Variants in LRP1B observed in about 807,000 individuals in gnomAD.
LRP1B encodes the protein LDL receptor related protein 1B.
In LRP1B, 217 loss-of-function variants were observed where a neutral mutation model predicts 556.6. The ratio of observed to expected loss-of-function variants is 0.39; its 90% CI spans 0.35 to 0.44. The LOEUF (loss-of-function observed/expected upper bound fraction) is 0.44, where lower values mean the gene tolerates loss of function less well. LRP1B is among the 20% of genes least tolerant of loss of function. The pLI is 1.00. For synonymous variants in LRP1B, 2,047 were observed against 1,865.8 expected (o/e 1.10, Z -2.50); for missense variants, 5,053 against 5,620.8 (o/e 0.90, Z 3.23).
In LRP1B at chr2:140,559,311, T is replaced by C. The variant is rs142983214; in HGVS notation, c.7195-17340A>G. On this transcript the variant is annotated intron_variant, in intron 43 of 90. Coordinates refer to ENST00000389484, the MANE Select transcript of LRP1B (RefSeq NM_018557.3). ...AGACATATCAGTTATTTGCAATATA[T>C]GGACTTTATCTGGATCCCAATTCAG... is the stretch of plus-strand genomic sequence containing the variant. Among the ~76,000 whole-genome samples, 263 of 152,246 alleles carry C rather than the reference T, an allele frequency of 1.7e-3. 3 individuals carry two copies. Among genetic ancestry groups the C allele is most frequent in the Admixed American group, 3.9e-3 (59 of 15,280 alleles).
chr2:141,733,331 A>G (rs1341825128), intron 2 of LRP1B, among the ~76,000 whole-genome samples: 1 of 152,076 alleles, frequency 6.6e-6, no homozygotes, highest in Non-Finnish European at 1.5e-5. Context: ...GTGTGTGCCC[A>G]CAGAGAAATG....
chr2:140,531,935 A>T lies in LRP1B; in HGVS notation c.7762+2086T>A, dbSNP rs562033355. 2.1e-4 allele frequency among the ~76,000 whole-genome samples: 32 copies of T among 152,222 alleles called. No homozygotes were observed. The East Asian group carries it at 5.8e-3, about 28-fold the overall frequency. On this transcript the variant is annotated intron_variant, in intron 47 of 90. Coordinates refer to ENST00000389484, the MANE Select transcript of LRP1B (RefSeq NM_018557.3). ...GTCCTGCAGGCTACTTCACCTTTTC[A>T]TATATAATTTGTTATTTAAATAAGT...
At chr2:141,192,597 CT>C (rs1217184881) in intron 6 of LRP1B, among the ~76,000 whole-genome samples, 1 of 151,650 alleles carries the variant, frequency 6.6e-6, no homozygotes, top group Non-Finnish European at 1.5e-5. Context: ...GCTACTTATT[CT>C]TTTTTTCAAC....
chr2:140,246,628 A>C (rs2104898001), intron 87 of LRP1B, among the ~76,000 whole-genome samples: 1 of 151,630 alleles, frequency 6.6e-6, no homozygotes, highest in East Asian at 2.0e-4. Flanking sequence ...TTTATTAAGA[A>C]TTGCTTGTTA....
intron 1 of LRP1B, among the ~76,000 whole-genome samples, chr2:142,085,593 T>C (rs1388338097): frequency 6.6e-6 from 1 of 152,202 alleles, no homozygotes; most frequent in Non-Finnish European, 1.5e-5. Context: ...TTTCCATTAT[T>C]ATATCTTATT....
intron 2 of LRP1B, among the ~76,000 whole-genome samples, chr2:141,796,263 C>A (rs76345317): frequency 5.9e-5 from 9 of 152,044 alleles, no homozygotes; most frequent in African/African-American, 2.2e-4. Context: ...GTAATGCCAA[C>A]CCAATTACAT....
Position 140,393,342 on chromosome 2 carries a change from T to C in LRP1B, c.10415-7333A>G, listed in dbSNP as rs561778722. On this transcript the variant is annotated intron_variant, in intron 66 of 90. Transcript: ENST00000389484. ...ATTGAAATTATATATTGTTTCACTA[T>C]TGATTAATGTTTTAGTTGTTTAGAA... Among the ~76,000 whole-genome samples, 526 of 127,098 alleles carry C rather than the reference T, an allele frequency of 4.1e-3. 4 individuals carry two copies. The highest frequency in any genetic ancestry group is 0.016 in the African/African-American group (508 of 32,020). 83.4% of individuals were successfully genotyped at this position (127,098 alleles called of 152,430 possible). A position where few individuals can be genotyped will look rare whatever the true frequency, so the allele number is the denominator to read the frequency against.
intron 2 of LRP1B, among the ~76,000 whole-genome samples, chr2:141,597,056 A>G (rs1230126581): frequency 4.0e-5 from 2 of 49,568 alleles, no homozygotes; most frequent in East Asian, 8.3e-4. Context: ...CTGACATTTT[A>G]CACACACACA....
intron 3 of LRP1B, among the ~76,000 whole-genome samples, chr2:141,375,769 G>C (rs1388235006): frequency 6.6e-6 from 1 of 152,134 alleles, no homozygotes; most frequent in Non-Finnish European, 1.5e-5. Context: ...GCAAGAAGCC[G>C]TGGGTGGTGC....
chr2:142,057,593 G>C (rs1704723638), intron 1 of LRP1B, among the ~76,000 whole-genome samples: 2 of 152,102 alleles, frequency 1.3e-5, no homozygotes, highest in Non-Finnish European at 2.9e-5. Flanking sequence ...CAATCTATCT[G>C]TGTTTCACCC....
In LRP1B at chr2:140,350,936, T is replaced by C; in HGVS notation, c.11753A>G (p.Glu3918Gly). 1.2e-6 allele frequency: 2 copies of C among 1,611,012 alleles called. No homozygotes were observed. Among genetic ancestry groups the C allele is most frequent in the South Asian group, 1.1e-5 (1 of 90,934 alleles). Reference protein sequence around the residue: ...SGDHQQISHIEHNSRITGMDV... With the variant: ...SGDHQQISHIGHNSRITGMDV... ...CATCCCTGTTATTCTTGAATTATGT[T>C]CAATATGAGAAATTTGTTGATGATC... Residue 3918 changes from glutamate (E) to glycine (G), a missense_variant, in exon 77 of 91, where the codon GAA becomes GGA. Glu to Gly is a moderately conservative substitution (Grantham distance 98). Coordinates refer to ENST00000389484, the MANE Select transcript of LRP1B (RefSeq NM_018557.3).
At chr2:141,540,362 T>G (rs926771701) in intron 2 of LRP1B, among the ~76,000 whole-genome samples, 1 of 152,054 alleles carries the variant, frequency 6.6e-6, no homozygotes, top group Non-Finnish European at 1.5e-5. Flanking sequence ...TTGGTGACTT[T>G]CAAATATTGT....
At chr2:142,089,827 T>C (rs1224348964) in intron 1 of LRP1B, among the ~76,000 whole-genome samples, 1 of 152,176 alleles carries the variant, frequency 6.6e-6, no homozygotes, top group Non-Finnish European at 1.5e-5. Context: ...TAAGAGCTCA[T>C]AACATGTTTA....
At chr2:140,821,977 C>T (rs919906118) in intron 31 of LRP1B, among the ~76,000 whole-genome samples, 3 of 147,880 alleles carry the variant, frequency 2.0e-5, no homozygotes, top group East Asian at 2.0e-4. Flanking sequence ...CCAGCCTGGG[C>T]GACAGAGTGA....
At chr2:140,319,788 C>T (rs1399793016) in intron 82 of LRP1B, among the ~76,000 whole-genome samples, 1 of 152,108 alleles carries the variant, frequency 6.6e-6, no homozygotes, top group Non-Finnish European at 1.5e-5. Context: ...TTCTCTTATT[C>T]CCCTATCACA....
intron 21 of LRP1B, among the ~76,000 whole-genome samples, chr2:140,919,724 G>A (rs1444689092): frequency 1.3e-5 from 2 of 151,952 alleles, no homozygotes; most frequent in Non-Finnish European, 2.9e-5. Flanking sequence ...TGTTCATCAG[G>A]CAGTATCTCC....
chr2:141,237,128 G>A (rs1437730471), intron 5 of LRP1B, among the ~76,000 whole-genome samples: 4 of 152,270 alleles, frequency 2.6e-5, no homozygotes, highest in East Asian at 1.9e-4. Flanking sequence ...TAAAGCAGAA[G>A]TTCAAAATTG....
chr2:141,421,481 A>G (rs1185067062), intron 3 of LRP1B, among the ~76,000 whole-genome samples: 1 of 148,386 alleles, frequency 6.7e-6, no homozygotes, highest in Non-Finnish European at 1.5e-5. Flanking sequence ...GTGAGCCGAG[A>G]TCCCGCCACT....
intron 5 of LRP1B, 55 bp downstream of exon 5, chr2:141,247,171 G>A (rs1684097401): frequency 6.2e-7 from 1 of 1,602,024 alleles, no homozygotes; most frequent in Non-Finnish European, 8.5e-7. Context: ...AAAAAGAATT[G>A]TAAAAAGGAA....
Sources: allele counts gnomAD v4.1 joint callset (sites outside exome capture counted in the v4.1 genomes callset), GRCh38; gene constraint gnomAD v4.1.1; transcripts MANE v1.5; gene names NCBI Gene and HGNC (gene_info 2026-07-23, HGNC 2026-07-21).